Variants in RBPJ observed in about 807,000 individuals in gnomAD.
RBPJ encodes recombining binding protein suppressor of hairless.
In RBPJ, 9 loss-of-function variants were observed where a neutral mutation model predicts 67.8. The ratio of observed to expected loss-of-function variants is 0.13; its 90% CI spans 0.08 to 0.23. The LOEUF (loss-of-function observed/expected upper bound fraction) is 0.23, where lower values mean the gene tolerates loss of function less well. Ranked by LOEUF, RBPJ falls within the 10% of genes least tolerant of loss-of-function variation. The pLI, the probability that RBPJ is intolerant of heterozygous loss-of-function variation, is 1.00. For synonymous variants in RBPJ, 198 were observed against 203.3 expected, an observed-to-expected ratio of 0.97 and a Z score of 0.22; for missense variants, 305 against 595.6, an observed-to-expected ratio of 0.51 and a Z score of 5.08.
intron 2 of RBPJ, among the ~76,000 whole-genome samples, chr4:26,398,373 C>T (rs1012508018): frequency 5.3e-5 from 8 of 152,168 alleles, no homozygotes; most frequent in African/African-American, 1.9e-4. Context: ...AGAAGAATGG[C>T]GATTAGCACC....
intron 4 of RBPJ, among the ~76,000 whole-genome samples, chr4:26,415,841 G>A (rs1484628183): frequency 6.6e-6 from 1 of 152,158 alleles, no homozygotes; most frequent in Non-Finnish European, 1.5e-5. Flanking sequence ...ACATTGGAAG[G>A]TGGCATGCAG....
intron 1 of RBPJ, among the ~76,000 whole-genome samples, chr4:26,355,957 A>T (rs1727333475): frequency 6.6e-6 from 1 of 152,228 alleles, no homozygotes; most frequent in South Asian, 2.1e-4. Flanking sequence ...ACTATGTTAG[A>T]GGAAGATGAA....
intron 1 of RBPJ, among the ~76,000 whole-genome samples, chr4:26,336,014 T>C (rs961109241): frequency 6.6e-6 from 1 of 152,212 alleles, no homozygotes; most frequent in South Asian, 2.1e-4. Context: ...AATTTTGTTG[T>C]AAATGGTGCC....
intron 1 of RBPJ, among the ~76,000 whole-genome samples, chr4:26,241,228 C>T (rs1026317631): frequency 6.6e-6 from 1 of 151,146 alleles, no homozygotes; most frequent in Non-Finnish European, 1.5e-5. Flanking sequence ...AAAAATTGAG[C>T]ACTTTCCACC....
chr4:26,113,637 C>A, the RBPJ span: 1 of 317,238 alleles, frequency 3.2e-6, no homozygotes. Flanking sequence ...CATCAGGGAA[C>A]ACACACACGA....
the RBPJ span, among the ~76,000 whole-genome samples, chr4:26,122,212 A>T: frequency 6.6e-6 from 1 of 152,220 alleles, no homozygotes; most frequent in Non-Finnish European, 1.5e-5. Context: ...AAGCAAAGTG[A>T]AGTGATCAAG....
upstream of RBPJ, chr4:26,320,827 G>C (rs200338350): frequency 2.0e-4 from 308 of 1,561,146 alleles, 2 homozygotes; most frequent in African/African-American, 3.4e-3. Flanking sequence ...TAGGTTTCCA[G>C]GGAAGGCAGC....
intron 1 of RBPJ, among the ~76,000 whole-genome samples, chr4:26,330,376 C>G (rs1724104509): frequency 6.6e-6 from 1 of 152,212 alleles, no homozygotes; most frequent in Non-Finnish European, 1.5e-5. Flanking sequence ...ATATATAACA[C>G]TTGCCACTAG....
intron 1 of RBPJ, among the ~76,000 whole-genome samples, chr4:26,378,818 G>A (rs1730019918): frequency 6.6e-6 from 1 of 152,188 alleles, no homozygotes; most frequent in South Asian, 2.1e-4. Flanking sequence ...CCTGAGGTCA[G>A]GAGTTCAAGA....
intron 1 of RBPJ, among the ~76,000 whole-genome samples, chr4:26,233,500 TC>T (rs1719355764): frequency 6.6e-6 from 1 of 152,348 alleles, no homozygotes; most frequent in South Asian, 2.1e-4. Context: ...TTGCCTTGTC[TC>T]CACTTCGTAT....
chr4:26,413,487 A>G (rs965973619), intron 3 of RBPJ, among the ~76,000 whole-genome samples: 1 of 152,082 alleles, frequency 6.6e-6, no homozygotes, highest in African/African-American at 2.4e-5. Context: ...AATTTTGTCT[A>G]ATTTTTTTGT....
chr4:26,367,370 TG>T (rs1728744043), intron 1 of RBPJ, among the ~76,000 whole-genome samples: 1 of 152,068 alleles, frequency 6.6e-6, no homozygotes, highest in South Asian at 2.1e-4. Context: ...CTTGGGAGGC[TG>T]AGGCAGGAGA....
chr4:26,343,739 C>CTTTTTTTTTT (rs71186404), intron 1 of RBPJ, among the ~76,000 whole-genome samples: 64 of 55,840 alleles, frequency 1.1e-3, no homozygotes, highest in African/African-American at 2.2e-3. Flanking sequence ...TTTCTTTCTT[C>CTTTTTTTTTT]TTTTTTTTTT....
At chr4:26,371,986 C>T (rs1476711460) in intron 1 of RBPJ, among the ~76,000 whole-genome samples, 1 of 152,202 alleles carries the variant, frequency 6.6e-6, no homozygotes, top group Non-Finnish European at 1.5e-5. Context: ...GAAACCCTCA[C>T]CTTGTGGCTT....
chr4:26,219,468 G>A (rs1288717499), intron 1 of RBPJ, among the ~76,000 whole-genome samples: 1 of 152,220 alleles, frequency 6.6e-6, no homozygotes, highest in Non-Finnish European at 1.5e-5. Flanking sequence ...AGGGATAAGA[G>A]TTCAAGTTCC....
chr4:26,199,717 G>T (rs935752117), intron 1 of RBPJ, among the ~76,000 whole-genome samples: 1 of 152,136 alleles, frequency 6.6e-6, no homozygotes, highest in East Asian at 1.9e-4. Context: ...CAAAAACCTG[G>T]CAAGTGGTTT....
At chr4:26,258,758 TG>T (rs1353158777) in intron 1 of RBPJ, among the ~76,000 whole-genome samples, 1 of 151,968 alleles carries the variant, frequency 6.6e-6, no homozygotes, top group East Asian at 1.9e-4. Context: ...GATTATTAAC[TG>T]AAAAATATCT....
chr4:26,358,643 G>A (rs1224085891), intron 1 of RBPJ, among the ~76,000 whole-genome samples: 1 of 151,428 alleles, frequency 6.6e-6, no homozygotes, highest in Non-Finnish European at 1.5e-5. Context: ...AGTTAGTGGG[G>A]TACGTGGTGC....
At chr4:26,357,721 A>G (rs547891647) in intron 1 of RBPJ, among the ~76,000 whole-genome samples, 1 of 152,282 alleles carries the variant, frequency 6.6e-6, no homozygotes, top group Non-Finnish European at 1.5e-5. Flanking sequence ...AACCCATTAA[A>G]TAATAACTCC....
Sources: allele counts gnomAD v4.1 joint callset (sites outside exome capture counted in the v4.1 genomes callset), GRCh38; gene constraint gnomAD v4.1.1; transcripts MANE v1.5; gene names NCBI Gene and HGNC (gene_info 2026-07-23, HGNC 2026-07-21).